EPHA6: variants seen among roughly 807,000 people sequenced by gnomAD.
EPHA6 encodes EPH receptor A6, also known as ephrin type-A receptor 6.
In EPHA6, 50 loss-of-function variants were observed where a neutral mutation model predicts 112.0. That is an observed-to-expected ratio of 0.45 (90% CI 0.36 to 0.56). The LOEUF (loss-of-function observed/expected upper bound fraction) is 0.56, where lower values mean the gene tolerates loss of function less well. Ranked by LOEUF, EPHA6 falls within the 20% of genes least tolerant of loss-of-function variation. The probability of loss-of-function intolerance (pLI) is 0.00; values close to 1 mark genes in which losing one functional copy is unlikely to be tolerated. For missense variants in EPHA6, 1,280 were observed against 1,417.4 expected (o/e 0.90, Z 1.56); for synonymous variants, 529 against 490.7 (o/e 1.08, Z -1.03).
chr3:97,027,684 A>T (rs1157402967), intron 3 of EPHA6, among the ~76,000 whole-genome samples: 2 of 152,184 alleles, frequency 1.3e-5, no homozygotes, highest in African/African-American at 4.8e-5. Flanking sequence ...TCCCAAACTC[A>T]AACTTTTAAT....
In EPHA6 at chr3:96,973,668, A is replaced by C. The variant is rs144287575; in HGVS notation, c.451-13662A>C. 4.9e-3 allele frequency among the ~76,000 whole-genome samples: 738 copies of C among 151,080 alleles called. 7 individuals are homozygous for C. The highest frequency in any genetic ancestry group is 0.017 in the African/African-American group (697 of 41,096). ...GTGAAACCCTGTCTCTACTAAAAAT[A>C]CAAAAAAATTAGCCAGGCATGGTGG... On this transcript the variant is annotated intron_variant, in intron 2 of 17. Transcript: ENST00000389672.
chr3:96,914,853 A>G (rs2039406945), intron 2 of EPHA6, among the ~76,000 whole-genome samples: 1 of 152,052 alleles, frequency 6.6e-6, no homozygotes, highest in South Asian at 2.1e-4. Context: ...TTTGTGAGAA[A>G]AGGAGAAAAC....
intron 2 of EPHA6, among the ~76,000 whole-genome samples, chr3:96,941,434 T>C (rs1430322018): frequency 1.3e-5 from 2 of 152,226 alleles, no homozygotes; most frequent in Non-Finnish European, 2.9e-5. Flanking sequence ...TCTCGAGCCT[T>C]GGCTTTCAGC....
chr3:96,947,140 C>T (rs1576134534), intron 2 of EPHA6, among the ~76,000 whole-genome samples: 1 of 152,008 alleles, frequency 6.6e-6, no homozygotes, highest in South Asian at 2.1e-4. Flanking sequence ...TGCCTGTTCA[C>T]TCTGATGGTA....
intron 7 of EPHA6, among the ~76,000 whole-genome samples, chr3:97,456,017 T>G (rs1322636887): frequency 1.3e-5 from 2 of 151,860 alleles, no homozygotes; most frequent in Non-Finnish European, 2.9e-5. Context: ...CATTAACTAT[T>G]AACAGGTACT....
At chr3:97,111,779 T>TTG (rs2047731249) in intron 3 of EPHA6, among the ~76,000 whole-genome samples, 2 of 152,102 alleles carry the variant, frequency 1.3e-5, no homozygotes. Flanking sequence ...CTGAAGGACA[T>TTG]TGTTCAATAC....
intron 5 of EPHA6, among the ~76,000 whole-genome samples, chr3:97,375,570 C>A (rs766044359): frequency 3.0e-4 from 45 of 152,038 alleles, no homozygotes; most frequent in Non-Finnish European, 5.1e-4. Context: ...GACTTAAGAA[C>A]ATAGTTTATG....
At chr3:97,648,711 T>C in intron 14 of EPHA6, 2 of 906,698 alleles carry the variant, frequency 2.2e-6, no homozygotes, top group Non-Finnish European at 2.7e-6. Flanking sequence ...TGTAAAAAGT[T>C]TGCAGCGAGA....
At chr3:97,333,613 T>C (rs149230189) in intron 5 of EPHA6, among the ~76,000 whole-genome samples, 80 of 151,386 alleles carry the variant, frequency 5.3e-4, no homozygotes, top group African/African-American at 1.9e-3. Flanking sequence ...GCTGGAACTA[T>C]AGGCACACAC....
rs1051052120 is a variant in EPHA6 at position 97,403,804 on chromosome 3, G to A, written c.1607-1346G>A. ...TTATATTACAAAGTAAATTTGCAAG[G>A]CAAAATATATTCATAGATGTCCAGT... is the stretch of plus-strand genomic sequence containing the variant. On this transcript the variant is annotated intron_variant, in intron 5 of 17. Coordinates refer to ENST00000389672, the MANE Select transcript of EPHA6 (RefSeq NM_001080448.3). 5.5e-4 allele frequency among the ~76,000 whole-genome samples: 83 copies of A among 152,118 alleles called. 1 individual carries two copies. The highest frequency in any genetic ancestry group is 2.4e-4 in the Non-Finnish European group (16 of 68,012).
intron 5 of EPHA6, among the ~76,000 whole-genome samples, chr3:97,317,204 C>T (rs2081885735): frequency 6.6e-6 from 1 of 151,318 alleles, no homozygotes; most frequent in Admixed American, 6.6e-5. Context: ...TGGTTTTCTG[C>T]AGGAAAAGTA....
intron 5 of EPHA6, among the ~76,000 whole-genome samples, chr3:97,289,684 C>G (rs1380178933): frequency 6.6e-6 from 1 of 152,034 alleles, no homozygotes; most frequent in Non-Finnish European, 1.5e-5. Flanking sequence ...TTGATTCTTC[C>G]AATCCATGAG....
In EPHA6 at chr3:96,931,018, A is replaced by AAAAAAAAAAAAAG. The variant is rs796531853; in HGVS notation, c.451-56309_451-56308insAAAAAAAAAGAAA. On this transcript the variant is annotated intron_variant, in intron 2 of 17. Transcript: ENST00000389672. Reference sequence around the variant, plus strand: ...AAAAAAAAAAAAAAAAAAAAAAAAAAAAAGAAAAGCTTTCTGGCTGCTTTT... The same window carrying AAAAAAAAAAAAAG: ...AAAAAAAAAAAAAAAAAAAAAAAAAAAAAAAAAAAAAAGAAAGAAAAGCTTTCTGGCTGCTTTT... Among the ~76,000 whole-genome samples, 128 of 84,576 alleles carry AAAAAAAAAAAAAG rather than the reference A, an allele frequency of 1.5e-3. 30 individuals are homozygous for AAAAAAAAAAAAAG. The highest frequency in any genetic ancestry group is 1.8e-3 in the Non-Finnish European group (76 of 42,480). The allele number at this position is 84,576 out of a possible 152,430, so 55.5% of individuals were successfully genotyped here. A position where few individuals can be genotyped will look rare whatever the true frequency, so the allele number is the denominator to read the frequency against.
At position 97,760,971 on chromosome 3, in the gene EPHA6, T is replaced by A. The variant is rs1576413829; in HGVS notation, c.*12270T>A. The A allele has an allele frequency of 9.8e-6, 2 of 203,312 alleles. No individual in the cohort carries two copies. The highest frequency in any genetic ancestry group is 1.5e-4 in the East Asian group (2 of 13,238). 12.6% of individuals were successfully genotyped at this position (203,312 alleles called of 1,614,324 possible). A position where few individuals can be genotyped will look rare whatever the true frequency, so the allele number is the denominator to read the frequency against. ...GGGAAGTATAGCACTGTTTTATGTTTTTCTCTTTAGTATTCTGTCACCATT... is the reference window on the plus strand; with the variant it reads ...GGGAAGTATAGCACTGTTTTATGTTATTCTCTTTAGTATTCTGTCACCATT... On this transcript the variant is annotated 3_prime_UTR_variant, in exon 18 of 18. Coordinates refer to ENST00000389672, the MANE Select transcript of EPHA6 (RefSeq NM_001080448.3).
chr3:97,730,253 G>A (rs1193999228), intron 15 of EPHA6, among the ~76,000 whole-genome samples: 2 of 152,058 alleles, frequency 1.3e-5, no homozygotes, highest in Admixed American at 6.6e-5. Flanking sequence ...GATTCAGCAA[G>A]AGCAGAACAG....
chr3:97,450,087 C>T (rs949515409), intron 7 of EPHA6, among the ~76,000 whole-genome samples: 21 of 151,976 alleles, frequency 1.4e-4, no homozygotes, highest in African/African-American at 4.3e-4. Context: ...CAGTAATAGT[C>T]ATTTAAATTT....
At chr3:97,704,029 T>C (rs1174565340) in intron 14 of EPHA6, among the ~76,000 whole-genome samples, 3 of 152,190 alleles carry the variant, frequency 2.0e-5, no homozygotes, top group African/African-American at 2.4e-5. Flanking sequence ...ATTTTTAATA[T>C]AGACTAAATT....
chr3:96,955,352 T>C (rs1045240971), intron 2 of EPHA6, among the ~76,000 whole-genome samples: 1 of 152,222 alleles, frequency 6.6e-6, no homozygotes, highest in Non-Finnish European at 1.5e-5. Flanking sequence ...TTAACATGAA[T>C]TTTATTTGTA....
At position 97,503,698 on chromosome 3, in the gene EPHA6, A is replaced by T. The variant is rs1200546479; in HGVS notation, c.2200+19639A>T. On this transcript the variant is annotated intron_variant, in intron 10 of 17. Transcript: ENST00000389672. ...TCACTAATTTTGTCGCCATTCCCCTATATTAGAGTTTTACAGTCTGATGGC... is the reference window on the plus strand; with the variant it reads ...TCACTAATTTTGTCGCCATTCCCCTTTATTAGAGTTTTACAGTCTGATGGC... Among the ~76,000 whole-genome samples the T allele has an allele frequency of 7.9e-5, 12 of 152,152 alleles. No individual in the cohort carries two copies. The East Asian group carries it at 2.1e-3, about 27-fold the overall frequency.
Sources: gnomAD v4.1 joint callset for allele counts (sites outside exome capture counted in the v4.1 genomes callset) on GRCh38, gnomAD v4.1.1 for gene constraint, MANE v1.5 for transcripts, NCBI Gene and HGNC (gene_info 2026-07-23, HGNC 2026-07-21) for gene names.